Variants in ALK observed in about 807,000 individuals in gnomAD.
ALK encodes the protein ALK tyrosine kinase receptor.
A neutral mutation model predicts 163.1 loss-of-function variants in ALK; 74 were observed. That is an observed-to-expected ratio of 0.45 (90% CI 0.38 to 0.55). The LOEUF (loss-of-function observed/expected upper bound fraction) is 0.55, where lower values mean the gene tolerates loss of function less well. Ranked by LOEUF, ALK falls within the 20% of genes least tolerant of loss-of-function variation. ALK has a pLI of 0.00. For synonymous variants in ALK, 960 were observed against 843.2 expected, an observed-to-expected ratio of 1.14 and a Z score of -2.40; for missense variants, 2,063 against 2,105.3, an observed-to-expected ratio of 0.98 and a Z score of 0.39.
intron 8 of ALK, among the ~76,000 whole-genome samples, chr2:29,304,020 C>T (rs544704356): frequency 5.9e-5 from 9 of 152,130 alleles, no homozygotes; most frequent in Non-Finnish European, 1.0e-4. Context: ...TGTTTATCCC[C>T]TGAATCTAGG....
chr2:29,194,044 G>A (rs1573079581), intron 28 of ALK, 122 bp from the exon 29 acceptor site: 2 of 994,874 alleles, frequency 2.0e-6, no homozygotes, highest in East Asian at 2.5e-5. Context: ...GATTTATTGA[G>A]AATATAGTAA....
chr2:29,598,063 G>A (rs569636417), intron 3 of ALK, among the ~76,000 whole-genome samples: 51 of 152,294 alleles, frequency 3.3e-4, no homozygotes, highest in African/African-American at 1.2e-3. Flanking sequence ...AGTATCACTC[G>A]GTCACCCAGA....
intron 3 of ALK, among the ~76,000 whole-genome samples, chr2:29,569,350 A>C (rs4413121): frequency 0.7 from 105,740 of 151,972 alleles, 37,083 homozygotes; most frequent in South Asian, 0.79. Context: ...CCTTCCAGTG[A>C]CATTCTGCAT....
intron 4 of ALK, among the ~76,000 whole-genome samples, chr2:29,438,957 A>G (rs1450898247): frequency 6.6e-6 from 1 of 152,152 alleles, no homozygotes; most frequent in Non-Finnish European, 1.5e-5. Context: ...GAGCTTGGCT[A>G]TCTCCAGACC....
intron 1 of ALK, among the ~76,000 whole-genome samples, chr2:29,816,217 C>T (rs1664892819): frequency 6.6e-6 from 1 of 152,174 alleles, no homozygotes; most frequent in South Asian, 2.1e-4. Flanking sequence ...TTCATTCATT[C>T]AGGCAAGCAG....
chr2:29,741,259 G>C (rs940181661), intron 1 of ALK, among the ~76,000 whole-genome samples: 1 of 152,252 alleles, frequency 6.6e-6, no homozygotes, highest in Admixed American at 6.5e-5. Context: ...TACTCTCTAT[G>C]ATACTATAAC....
chr2:29,440,133 C>T (rs978075194), intron 4 of ALK, among the ~76,000 whole-genome samples: 1 of 151,644 alleles, frequency 6.6e-6, no homozygotes, highest in Admixed American at 6.6e-5. Context: ...ATTCGGGAGG[C>T]TGAGGCAGGA....
At chr2:29,844,125 G>A (rs1251970397) in intron 1 of ALK, among the ~76,000 whole-genome samples, 1 of 152,210 alleles carries the variant, frequency 6.6e-6, no homozygotes, top group Non-Finnish European at 1.5e-5. Flanking sequence ...TTTCCTTGAG[G>A]AAGTCACCCC....
chr2:29,704,939 A>AT (rs1379727226), intron 2 of ALK, among the ~76,000 whole-genome samples: 1 of 151,996 alleles, frequency 6.6e-6, no homozygotes, highest in Non-Finnish European at 1.5e-5. Flanking sequence ...AATGATTTTG[A>AT]TAAAAATAAT....
chr2:29,350,045 G>C (rs1573267087), intron 5 of ALK, among the ~76,000 whole-genome samples: 1 of 152,230 alleles, frequency 6.6e-6, no homozygotes. Flanking sequence ...CTAGCAAGCA[G>C]GGCTGATAAA....
intron 4 of ALK, among the ~76,000 whole-genome samples, chr2:29,431,314 G>T (rs1458663980): frequency 6.6e-6 from 1 of 152,168 alleles, no homozygotes; most frequent in South Asian, 2.1e-4. Context: ...TTAAGGCTGT[G>T]TCTACAAGAC....
chr2:29,471,763 G>A (rs1458367351), intron 4 of ALK, among the ~76,000 whole-genome samples: 1 of 149,708 alleles, frequency 6.7e-6, no homozygotes, highest in Non-Finnish European at 1.5e-5. Flanking sequence ...TTGAGACAGA[G>A]TTTCATTCAC....
intron 4 of ALK, among the ~76,000 whole-genome samples, chr2:29,433,021 A>C (rs1282036258): frequency 1.3e-5 from 2 of 152,182 alleles, no homozygotes; most frequent in Non-Finnish European, 2.9e-5. Context: ...ACCATCTATG[A>C]TTTCACACAA....
intron 3 of ALK, among the ~76,000 whole-genome samples, chr2:29,536,533 A>T (rs1053754159): frequency 2.6e-5 from 4 of 152,166 alleles, no homozygotes; most frequent in African/African-American, 9.7e-5. Context: ...TAAATTACCC[A>T]GCCTTAGGTA....
chr2:29,715,372 A>G (rs2148305306), intron 2 of ALK, among the ~76,000 whole-genome samples: 3 of 152,338 alleles, frequency 2.0e-5, no homozygotes, highest in Middle Eastern at 6.8e-3. Context: ...ATTCCAGACC[A>G]GGAGGAGAGT....
chr2:29,794,378 T>C (rs1018714606), intron 1 of ALK, among the ~76,000 whole-genome samples: 6 of 152,180 alleles, frequency 3.9e-5, no homozygotes, highest in South Asian at 2.1e-4. Flanking sequence ...ATACCAGCAA[T>C]AAGGCTGTTT....
At chr2:29,871,937 G>A (rs982066278) in intron 1 of ALK, among the ~76,000 whole-genome samples, 2 of 152,142 alleles carry the variant, frequency 1.3e-5, no homozygotes, top group African/African-American at 4.8e-5. Context: ...ATAGAGGTGC[G>A]GGTCTTCTAA....
rs144634168 is a variant in ALK at position 29,362,608 on chromosome 2, T to G, written c.1282+21124A>C. 5.2e-3 allele frequency among the ~76,000 whole-genome samples: 789 copies of G among 152,288 alleles called. 13 individuals carry two copies. The highest frequency in any genetic ancestry group is 0.018 in the African/African-American group (761 of 41,554). ...ATGTCTGTGCTCTTCTGTTCTGCAC[T>G]CACTCTGTGGCTTTGTTGTATTATC... On this transcript the variant is annotated intron_variant, in intron 5 of 28. Transcript: ENST00000389048.
intron 8 of ALK, among the ~76,000 whole-genome samples, chr2:29,300,716 A>G (rs1384436230): frequency 6.6e-6 from 1 of 152,178 alleles, no homozygotes; most frequent in African/African-American, 2.4e-5. Flanking sequence ...GAGAACACCA[A>G]TGCAAGATTA....
Sources: gnomAD v4.1 joint callset for allele counts (sites outside exome capture counted in the v4.1 genomes callset) on GRCh38, gnomAD v4.1.1 for gene constraint, MANE v1.5 for transcripts, NCBI Gene and HGNC (gene_info 2026-07-23, HGNC 2026-07-21) for gene names.